KDM4C: variants seen among roughly 807,000 people sequenced by gnomAD.
KDM4C encodes the protein lysine demethylase 4C, also known as lysine-specific demethylase 4C.
Under a neutral mutation model 129.3 loss-of-function variants are expected in KDM4C, and 81 were observed. The ratio of observed to expected loss-of-function variants is 0.63; its 90% CI spans 0.52 to 0.75. The LOEUF (loss-of-function observed/expected upper bound fraction) is 0.75, where lower values mean the gene tolerates loss of function less well. Among genes scored for constraint, KDM4C ranks in the 30% least tolerant of loss-of-function variants. The pLI is 0.00. For missense variants in KDM4C, 1,457 were observed against 1,304.0 expected, an observed-to-expected ratio of 1.12 and a Z score of -1.81; for synonymous variants, 573 against 456.1, an observed-to-expected ratio of 1.26 and a Z score of -3.26.
chr9:6,949,192 G>T (rs1464835315), intron 8 of KDM4C, among the ~76,000 whole-genome samples: 12 of 148,154 alleles, frequency 8.1e-5, no homozygotes, highest in Non-Finnish European at 1.5e-5. Flanking sequence ...GGGCGGAGGG[G>T]CTCCTCACTT....
chr9:6,941,497 A>G (rs576344349), intron 8 of KDM4C: 19 of 152,208 alleles, frequency 1.2e-4, no homozygotes, highest in Non-Finnish European at 2.6e-4. Flanking sequence ...AGAACATATG[A>G]TAGAATAATG....
chr9:7,083,711 A>ATATGTGTGTG (rs1554730845), intron 17 of KDM4C, among the ~76,000 whole-genome samples: 2 of 143,224 alleles, frequency 1.4e-5, no homozygotes, highest in Admixed American at 6.9e-5. Context: ...CACATGACTG[A>ATATGTGTGTG]TGTGTGTGTG....
At chr9:7,016,060 A>G in intron 15 of KDM4C, 131 bp downstream of exon 15, 2 of 518,732 alleles carry the variant, frequency 3.9e-6, no homozygotes, top group Non-Finnish European at 7.0e-6. Context: ...TTGTGTTTCT[A>G]GTCTTCCCTC....
At chr9:6,737,558 G>A (rs1817563280) in intron 1 of KDM4C, among the ~76,000 whole-genome samples, 1 of 151,280 alleles carries the variant, frequency 6.6e-6, no homozygotes, top group Admixed American at 6.6e-5. Flanking sequence ...CAGTTACTTG[G>A]GAGCCTGAGG....
Position 6,805,866 on chromosome 9 carries a change from A to G in KDM4C, c.320+92A>G. 8 of 1,173,348 alleles carry G rather than the reference A, an allele frequency of 6.8e-6. No individual in the cohort carries two copies. The South Asian group carries it at 1.5e-4, about 22-fold the overall frequency. The allele number at this position is 1,173,348 out of a possible 1,614,324, so 72.7% of individuals were successfully genotyped here. Reference sequence around the variant, plus strand: ...GTAGACAGAGGAGCTTATAAATGAAAAGCAGGAGTCTCCCATGCAATTTTT... The same window carrying G: ...GTAGACAGAGGAGCTTATAAATGAAGAGCAGGAGTCTCCCATGCAATTTTT... On this transcript the variant is annotated intron_variant, in intron 3 of 21. Coordinates refer to ENST00000381309, the MANE Select transcript of KDM4C (RefSeq NM_015061.6).
intron 15 of KDM4C, among the ~76,000 whole-genome samples, chr9:7,019,937 C>G (rs899318132): frequency 6.6e-6 from 1 of 151,462 alleles, no homozygotes; most frequent in Admixed American, 6.6e-5. Flanking sequence ...AATCATAGAT[C>G]AGCTCTCTTT....
At chr9:6,796,471 CAT>C (rs1207683750) in intron 2 of KDM4C, among the ~76,000 whole-genome samples, 1 of 152,154 alleles carries the variant, frequency 6.6e-6, no homozygotes, top group Admixed American at 6.6e-5. Flanking sequence ...TTCCGGAAAA[CAT>C]GTACTGTGTT....
intron 11 of KDM4C, among the ~76,000 whole-genome samples, chr9:6,987,965 C>T (rs1415754934): frequency 1.3e-5 from 2 of 150,934 alleles, no homozygotes; most frequent in Non-Finnish European, 2.9e-5. Flanking sequence ...CGAGATGAGC[C>T]TGGACAACAT....
At chr9:6,858,635 T>C (rs1005347347) in intron 5 of KDM4C, among the ~76,000 whole-genome samples, 2 of 152,092 alleles carry the variant, frequency 1.3e-5, no homozygotes, top group Admixed American at 1.3e-4. Context: ...TAGCCGGGTG[T>C]GGTGACGTGC....
chr9:6,792,707 G>C (rs1316194979), intron 1 of KDM4C, among the ~76,000 whole-genome samples: 1 of 152,074 alleles, frequency 6.6e-6, no homozygotes, highest in Non-Finnish European at 1.5e-5. Flanking sequence ...ATTTTTACTT[G>C]GAAGGGTTTT....
intron 1 of KDM4C, among the ~76,000 whole-genome samples, chr9:6,738,033 C>T (rs905720929): frequency 3.3e-5 from 5 of 151,880 alleles, no homozygotes; most frequent in African/African-American, 1.2e-4. Flanking sequence ...ACTCAGGAGG[C>T]TGGGGCATGA....
rs1030209852 is a variant in KDM4C, at chr9:6,834,894, G to A, written c.436-14613G>A. The A allele has an allele frequency of 1.1e-5, 14 of 1,256,538 alleles. No homozygotes were observed. The African/African-American group carries it at 1.9e-4, about 17-fold the overall frequency. 77.8% of individuals were successfully genotyped at this position (1,256,538 alleles called of 1,614,324 possible). On this transcript the variant is annotated intron_variant, in intron 4 of 21. Transcript: ENST00000381309. ...GTGCTGTCCCTGTACTTCTTTGGCT[G>A]TACCACTGGTACCGTGATGGACTCC...
At chr9:7,086,484 C>A (rs577491474) in intron 17 of KDM4C, among the ~76,000 whole-genome samples, 1 of 152,254 alleles carries the variant, frequency 6.6e-6, no homozygotes, top group South Asian at 2.1e-4. Flanking sequence ...ATGGGTGAGT[C>A]CACATTGGAA....
intron 1 of KDM4C, among the ~76,000 whole-genome samples, chr9:6,769,663 C>T (rs1214512343): frequency 6.6e-6 from 1 of 152,098 alleles, no homozygotes; most frequent in African/African-American, 2.4e-5. Flanking sequence ...CGTCAGTACT[C>T]AAAGAGTTGT....
At chr9:7,152,791 A>G (rs1024861433) in intron 19 of KDM4C, among the ~76,000 whole-genome samples, 4 of 152,238 alleles carry the variant, frequency 2.6e-5, no homozygotes, top group Non-Finnish European at 5.9e-5. Flanking sequence ...CTCAGTTCCA[A>G]GCTCTTGACA....
chr9:7,014,943 C>CACACACACAT (rs2132177072), intron 14 of KDM4C, among the ~76,000 whole-genome samples: 1 of 149,054 alleles, frequency 6.7e-6, no homozygotes, highest in African/African-American at 2.4e-5. Context: ...CACACACACA[C>CACACACACAT]ACACACACAC....
intron 8 of KDM4C, among the ~76,000 whole-genome samples, chr9:6,966,427 C>T (rs549363449): frequency 3.2e-3 from 493 of 152,340 alleles, no homozygotes; most frequent in African/African-American, 0.011. Flanking sequence ...GCCTCTGCCT[C>T]CCAAAGTGCT....
At chr9:7,013,411 G>C (rs550108785) in intron 13 of KDM4C, among the ~76,000 whole-genome samples, 1 of 152,226 alleles carries the variant, frequency 6.6e-6, no homozygotes, top group East Asian at 1.9e-4. Context: ...TGGGGTCTTT[G>C]TACACTCCTT....
intron 8 of KDM4C, among the ~76,000 whole-genome samples, chr9:6,934,483 A>T (rs1180781527): frequency 6.7e-6 from 1 of 149,098 alleles, no homozygotes; most frequent in South Asian, 2.2e-4. Context: ...CCGCCAAAAA[A>T]AAAAAAAATT....
Sources: allele counts gnomAD v4.1 joint callset (sites outside exome capture counted in the v4.1 genomes callset), GRCh38; gene constraint gnomAD v4.1.1; transcripts MANE v1.5; gene names NCBI Gene and HGNC (gene_info 2026-07-23, HGNC 2026-07-21).